The following SPOCK3 variants were observed in gnomAD, a reference collection of about 807,000 sequenced individuals.
SPOCK3 encodes the protein testican-3.
A neutral mutation model predicts 56.6 loss-of-function variants in SPOCK3; 30 were observed. That is an observed-to-expected ratio of 0.53 (90% CI 0.40 to 0.72). SPOCK3 has a LOEUF of 0.72. Among genes scored for constraint, SPOCK3 ranks in the 30% least tolerant of loss-of-function variants. SPOCK3 has a pLI of 0.00. For synonymous variants in SPOCK3, 196 were observed against 183.3 expected, an observed-to-expected ratio of 1.07 and a Z score of -0.56; for missense variants, 527 against 530.0, an observed-to-expected ratio of 0.99 and a Z score of 0.06.
intron 2 of SPOCK3, among the ~76,000 whole-genome samples, chr4:167,089,827 T>C (rs904793180): frequency 2.6e-5 from 4 of 152,158 alleles, no homozygotes; most frequent in Non-Finnish European, 4.4e-5. Flanking sequence ...TGAAAACTGA[T>C]CTGTTTTCTT....
chr4:166,873,207 TAA>T (rs901690340), intron 6 of SPOCK3, among the ~76,000 whole-genome samples: 4 of 130,172 alleles, frequency 3.1e-5, no homozygotes, highest in African/African-American at 1.1e-4. Context: ...ATGAAGAAGT[TAA>T]AAAAAAAAAA....
chr4:166,761,882 A>C, intron 7 of SPOCK3, among the ~76,000 whole-genome samples: 1 of 136,984 alleles, frequency 7.3e-6, no homozygotes, highest in East Asian at 2.2e-4. Flanking sequence ...GTACCCTAAA[A>C]CTTAGAGTAT....
chr4:166,818,984 A>T (rs1048211204), intron 6 of SPOCK3, among the ~76,000 whole-genome samples: 11 of 152,062 alleles, frequency 7.2e-5, no homozygotes, highest in African/African-American at 2.4e-4. Flanking sequence ...ATACTTGTGA[A>T]ATTACCACTG....
chr4:166,812,274 C>G (rs1025663045), intron 6 of SPOCK3, among the ~76,000 whole-genome samples: 1 of 151,918 alleles, frequency 6.6e-6, no homozygotes, highest in Admixed American at 6.6e-5. Context: ...TATGAGATTA[C>G]CATTTAATAT....
At chr4:167,106,042 C>T (rs1051230197) in intron 2 of SPOCK3, among the ~76,000 whole-genome samples, 1 of 151,850 alleles carries the variant, frequency 6.6e-6, no homozygotes, top group African/African-American at 2.4e-5. Flanking sequence ...GAGAGTTTAA[C>T]ACCCCACTTT....
intron 2 of SPOCK3, among the ~76,000 whole-genome samples, chr4:167,214,920 G>A (rs1441366993): frequency 6.6e-6 from 1 of 151,750 alleles, no homozygotes; most frequent in Admixed American, 6.6e-5. Flanking sequence ...CTGCTTGGAA[G>A]AGCAAAAACA....
At chr4:166,778,200 C>T in intron 7 of SPOCK3, among the ~76,000 whole-genome samples, 1 of 152,196 alleles carries the variant, frequency 6.6e-6, no homozygotes, top group East Asian at 1.9e-4. Flanking sequence ...ATAAAAAATT[C>T]AACATTTCCT....
intron 3 of SPOCK3, among the ~76,000 whole-genome samples, chr4:167,049,727 T>C (rs889572284): frequency 6.6e-6 from 1 of 152,150 alleles, no homozygotes; most frequent in Admixed American, 6.6e-5. Context: ...AAACACTATA[T>C]TTCTAGATTC....
At chr4:166,952,979 C>A (rs899909044) in intron 4 of SPOCK3, among the ~76,000 whole-genome samples, 16 of 151,022 alleles carry the variant, frequency 1.1e-4, no homozygotes, top group South Asian at 4.2e-4. Flanking sequence ...ACCATAAAAA[C>A]CCTAGAAGAA....
intron 2 of SPOCK3, among the ~76,000 whole-genome samples, chr4:167,110,797 C>G (rs972048353): frequency 4.6e-5 from 7 of 151,912 alleles, no homozygotes; most frequent in Non-Finnish European, 7.4e-5. Context: ...AAAAAAAATT[C>G]CTTTCAACAT....
intron 4 of SPOCK3, among the ~76,000 whole-genome samples, chr4:166,972,756 C>T (rs1055794968): frequency 6.6e-6 from 1 of 151,270 alleles, no homozygotes; most frequent in African/African-American, 2.4e-5. Context: ...ACAGTCTTAA[C>T]AATATATTAA....
chr4:166,920,822 T>A (rs76393877), intron 4 of SPOCK3, among the ~76,000 whole-genome samples: 6,513 of 152,272 alleles, frequency 0.043, 560 homozygotes, highest in East Asian at 0.4. Context: ...TTTTAATTTT[T>A]AAAAAATTTT....
intron 7 of SPOCK3, among the ~76,000 whole-genome samples, chr4:166,775,200 C>A (rs759524289): frequency 3.3e-5 from 5 of 151,984 alleles, no homozygotes; most frequent in Non-Finnish European, 7.4e-5. Context: ...AAAAAATGAA[C>A]CAACGTGACT....
rs764565142 is a variant in SPOCK3, at chr4:166,754,526, A to G, written c.913T>C (p.Cys305Arg). ...CTTTTACCTTGCTGTCTCTGGAAGC[A>G]GTAGCACCACTCATTATTAGATATT... ...SLISNNEWCY[C>R]FQRQQDPPCQ... Residue 305 changes from cysteine (C) to arginine (R), a missense_variant, in exon 8 of 11, where the codon TGC becomes CGC. Coordinates refer to ENST00000357545, the MANE Select transcript of SPOCK3 (RefSeq NM_001040159.2). The G allele has an allele frequency of 6.2e-7, 1 of 1,613,228 alleles. No homozygotes were observed. The highest frequency in any genetic ancestry group is 8.5e-7 in the Non-Finnish European group (1 of 1,179,562).
chr4:167,076,177 T>C (rs1320677205), intron 2 of SPOCK3, among the ~76,000 whole-genome samples: 1 of 151,736 alleles, frequency 6.6e-6, no homozygotes, highest in Non-Finnish European at 1.5e-5. Flanking sequence ...CCCAGAGGAT[T>C]TGGGGAACAG....
intron 6 of SPOCK3, among the ~76,000 whole-genome samples, chr4:166,868,649 A>T (rs1188478282): frequency 1.3e-5 from 2 of 152,274 alleles, no homozygotes; most frequent in East Asian, 1.9e-4. Context: ...AGAAACAGTA[A>T]TCTAGCTTAT....
In SPOCK3 at chr4:167,016,686, G is replaced by A. The variant is rs986830470; in HGVS notation, c.236-16223C>T. Among the ~76,000 whole-genome samples the A allele has an allele frequency of 2.6e-5, 4 of 151,932 alleles. No individual in the cohort carries two copies. In the South Asian group the frequency reaches 6.2e-4, roughly 24 times the overall value. ...CTCCTGAGTAGCTGGGATTACAGGC[G>A]TCTACCACCACACCAGGCTAATTTT... is the stretch of plus-strand genomic sequence containing the variant. On this transcript the variant is annotated intron_variant, in intron 3 of 10. Transcript: ENST00000357545.
chr4:166,912,341 C>G (rs1281459883), intron 5 of SPOCK3, among the ~76,000 whole-genome samples: 1 of 152,090 alleles, frequency 6.6e-6, no homozygotes, highest in Non-Finnish European at 1.5e-5. Context: ...AGCTATTGTA[C>G]AGCATGCTAA....
chr4:166,904,476 A>G (rs569479402), intron 5 of SPOCK3, among the ~76,000 whole-genome samples: 1 of 152,200 alleles, frequency 6.6e-6, no homozygotes, highest in South Asian at 2.1e-4. Context: ...CTGTACATAC[A>G]CTTACTTAAT....
Sources: allele counts gnomAD v4.1 joint callset (sites outside exome capture counted in the v4.1 genomes callset), GRCh38; gene constraint gnomAD v4.1.1; transcripts MANE v1.5; gene names NCBI Gene and HGNC (gene_info 2026-07-23, HGNC 2026-07-21).